The following MOB4 variants were observed in gnomAD, a reference collection of about 807,000 sequenced individuals.
The protein encoded by MOB4 is MOB-like protein phocein.
Under a neutral mutation model 32.2 loss-of-function variants are expected in MOB4, and 4 were observed. That is an observed-to-expected ratio of 0.12 (90% confidence interval 0.06 to 0.28). The LOEUF is 0.28. MOB4 is among the 10% of genes least tolerant of loss of function. The probability of loss-of-function intolerance (pLI) is 1.00; values close to 1 mark genes in which losing one functional copy is unlikely to be tolerated. For synonymous variants in MOB4, 88 were observed against 88.1 expected (o/e 1.00, Z 0.01); for missense variants, 158 against 271.2 (o/e 0.58, Z 2.93).
intron 1 of MOB4, among the ~76,000 whole-genome samples, chr2:197,518,415 G>A (rs1327818821): frequency 5.3e-5 from 8 of 151,840 alleles, no homozygotes; most frequent in East Asian, 2.0e-4. Context: ...GATTACAGGC[G>A]CGTGCCACCA....
intron 1 of MOB4, among the ~76,000 whole-genome samples, chr2:197,522,656 A>G (rs914690283): frequency 1.3e-5 from 2 of 152,010 alleles, no homozygotes; most frequent in African/African-American, 4.8e-5. Flanking sequence ...AATGGTGCCC[A>G]TATTTTGATT....
intron 5 of MOB4, among the ~76,000 whole-genome samples, chr2:197,544,415 C>T (rs568394656): frequency 6.6e-6 from 1 of 151,988 alleles, no homozygotes; most frequent in South Asian, 2.1e-4. Context: ...AAGATGGTTG[C>T]ACAATATTGT....
intron 5 of MOB4, among the ~76,000 whole-genome samples, chr2:197,543,822 T>G (rs1033618870): frequency 3.3e-5 from 5 of 150,992 alleles, no homozygotes; most frequent in Non-Finnish European, 7.4e-5. Flanking sequence ...CACTGCAACC[T>G]CCGCTTCCCA....
chr2:197,516,551 G>T (rs1054494249), intron 1 of MOB4: 6 of 520,362 alleles, frequency 1.2e-5, no homozygotes, highest in Non-Finnish European at 1.8e-5. Context: ...GGGAGGGGGT[G>T]TAAACACAGC....
rs1421931040 is a variant in MOB4, at chr2:197,516,709, G to C, written c.60+563G>C. On this transcript the variant is annotated intron_variant, in intron 1 of 7. Transcript: ENST00000323303. ...TCTCCCTGCCGCTTTCCCTGGAGCTGTTCTCTGGTCCAGCAAGTTTTCATC... is the reference window on the plus strand; with the variant it reads ...TCTCCCTGCCGCTTTCCCTGGAGCTCTTCTCTGGTCCAGCAAGTTTTCATC... 2.1e-5 allele frequency: 10 copies of C among 471,580 alleles called. No homozygotes were observed. The East Asian group carries it at 6.2e-4, about 29-fold the overall frequency. 29.2% of individuals were successfully genotyped at this position (471,580 alleles called of 1,614,324 possible).
At chr2:197,529,540 C>T (rs537405567) in intron 2 of MOB4, among the ~76,000 whole-genome samples, 1 of 151,838 alleles carries the variant, frequency 6.6e-6, no homozygotes, top group Admixed American at 6.6e-5. Context: ...TTAGTAGAGA[C>T]TGGGTTTTGC....
rs961892583 is a variant in MOB4, at chr2:197,553,148, C to G, written c.*2502C>G. 2.6e-5 allele frequency: 4 copies of G among 152,104 alleles called. No homozygotes were observed. Among genetic ancestry groups the G allele is most frequent in the Non-Finnish European group, 4.4e-5 (3 of 68,012 alleles). The allele number at this position is 152,104 out of a possible 1,614,324, so 9.4% of individuals were successfully genotyped here. A position where few individuals can be genotyped will look rare whatever the true frequency, so the allele number is the denominator to read the frequency against. ...TTACTATCAGAATACAATTAGAAAT[C>G]CTTGGTCAGGCACAGGGGCTCACGC... On this transcript the variant is annotated 3_prime_UTR_variant, in exon 8 of 8. Transcript: ENST00000323303.
rs377005447 is a variant in MOB4 at position 197,516,164 on chromosome 2, T to G, written c.60+18T>G. 6.3e-7 allele frequency: 1 copy of G among 1,592,956 alleles called. No homozygotes were observed. The highest frequency in any genetic ancestry group is 1.4e-5 in the African/African-American group (1 of 74,032). On this transcript the variant is annotated intron_variant, in intron 1 of 7. Coordinates refer to ENST00000323303, the MANE Select transcript of MOB4 (RefSeq NM_015387.5). Reference sequence around the variant, plus strand: ...AGGCGCAGGTACCATGTCTGCACTTTTCTTGTCGGGCAACTAGGTGCCGAG... The same window carrying G: ...AGGCGCAGGTACCATGTCTGCACTTGTCTTGTCGGGCAACTAGGTGCCGAG...
At chr2:197,516,714 C>T (rs202239280) in intron 1 of MOB4, 7 of 471,546 alleles carry the variant, frequency 1.5e-5, no homozygotes, top group Non-Finnish European at 2.6e-5. Flanking sequence ...GAGCTGTTCT[C>T]TGGTCCAGCA....
chr2:197,549,859 TAA>T (rs573507195), intron 6 of MOB4, among the ~76,000 whole-genome samples: 13 of 85,086 alleles, frequency 1.5e-4, no homozygotes, highest in Non-Finnish European at 1.5e-4. Context: ...CCTTAATTTC[TAA>T]AAAAAAAAAA....
At chr2:197,533,111 A>T (rs2086735759) in intron 2 of MOB4, among the ~76,000 whole-genome samples, 1 of 152,144 alleles carries the variant, frequency 6.6e-6, no homozygotes, top group South Asian at 2.1e-4. Context: ...AAACAAAAAA[A>T]AATTTCTATC....
intron 1 of MOB4, chr2:197,516,475 A>C: frequency 9.5e-7 from 1 of 1,047,496 alleles, no homozygotes; most frequent in Non-Finnish European, 1.3e-6. Flanking sequence ...GCTGACTAGC[A>C]TTGGAGGGGC....
intron 6 of MOB4, 85 bp from the exon 7 acceptor site, chr2:197,550,190 T>C: frequency 7.7e-7 from 1 of 1,306,630 alleles, no homozygotes; most frequent in Non-Finnish European, 1.0e-6. Flanking sequence ...TGTCAGTTTC[T>C]ACACTTGTAA....
At chr2:197,538,759 T>A (rs780845343) in intron 3 of MOB4, among the ~76,000 whole-genome samples, 17 of 152,212 alleles carry the variant, frequency 1.1e-4, no homozygotes, top group Non-Finnish European at 1.5e-4. Flanking sequence ...AAGGGTTGGG[T>A]AAGAAACTTA....
chr2:197,535,239 A>AAG lies in MOB4; in HGVS notation c.124-290_124-289insGA, dbSNP rs1553588822. On this transcript the variant is annotated intron_variant, in intron 2 of 7. Coordinates refer to ENST00000323303, the MANE Select transcript of MOB4 (RefSeq NM_015387.5). ...CCCTGTTTCAAAAAAAAAAAAAAAA[A>AAG]AAAGAAATTATGGTTTGCAATTTTG... is the stretch of plus-strand genomic sequence containing the variant. 2.3e-3 allele frequency among the ~76,000 whole-genome samples: 346 copies of AAG among 148,348 alleles called. 3 individuals carry two copies. Among genetic ancestry groups the AAG allele is most frequent in the African/African-American group, 5.9e-3 (239 of 40,682 alleles).
chr2:197,531,055 T>TTA (rs1342756704), intron 2 of MOB4, among the ~76,000 whole-genome samples: 4,757 of 149,634 alleles, frequency 0.032, 255 homozygotes, highest in African/African-American at 0.11. Flanking sequence ...TTATTTTTAT[T>TTA]TTTTTTTTTT....
At chr2:197,526,476 C>T (rs2086614151) in intron 2 of MOB4, among the ~76,000 whole-genome samples, 1 of 152,112 alleles carries the variant, frequency 6.6e-6, no homozygotes, top group Non-Finnish European at 1.5e-5. Flanking sequence ...GCCCCTGCGC[C>T]TGGTTAATTT....
chr2:197,548,186 CATT>C (rs111597452), intron 5 of MOB4, 147 bp from the exon 6 acceptor site: 7,513 of 442,638 alleles, frequency 0.017, 452 homozygotes, highest in African/African-American at 0.14. Flanking sequence ...ATTAATATAA[CATT>C]ATATTTTACA....
At chr2:197,537,999 T>C (rs573688144) in intron 3 of MOB4, among the ~76,000 whole-genome samples, 9 of 152,216 alleles carry the variant, frequency 5.9e-5, no homozygotes, top group South Asian at 2.1e-4. Flanking sequence ...AGGATGGTCT[T>C]GATCTCCTGA....
Sources: allele counts gnomAD v4.1 joint callset (sites outside exome capture counted in the v4.1 genomes callset), GRCh38; gene constraint gnomAD v4.1.1; transcripts MANE v1.5; gene names NCBI Gene and HGNC (gene_info 2026-07-23, HGNC 2026-07-21).